The following PIGU variants were observed in gnomAD, a reference collection of about 807,000 sequenced individuals.
PIGU encodes phosphatidylinositol glycan anchor biosynthesis class U.
PIGU carries 24 observed loss-of-function variants against 49.9 expected under a neutral mutation model. The ratio of observed to expected loss-of-function variants is 0.48; its 90% CI spans 0.35 to 0.68. PIGU has a LOEUF of 0.68. PIGU is among the 30% of genes least tolerant of loss of function. PIGU has a pLI of 0.01. For synonymous variants in PIGU, 220 were observed against 205.7 expected (o/e 1.07, Z -0.59); for missense variants, 490 against 532.6 (o/e 0.92, Z 0.79).
intron 5 of PIGU, 65 bp downstream of exon 5, chr20:34,637,811 G>A (rs1201407617): frequency 2.5e-6 from 4 of 1,589,920 alleles, no homozygotes; most frequent in African/African-American, 2.7e-5. Context: ...AACAACATGG[G>A]AAAGTCTCAT....
At chr20:34,569,009 A>G (rs1162344868) in intron 11 of PIGU, among the ~76,000 whole-genome samples, 5 of 152,026 alleles carry the variant, frequency 3.3e-5, no homozygotes, top group Non-Finnish European at 7.4e-5. Flanking sequence ...CAGGAGTTCG[A>G]GCTCGTAACA....
chr20:34,647,405 CCG>C (rs1485412365), intron 2 of PIGU, among the ~76,000 whole-genome samples: 1 of 151,828 alleles, frequency 6.6e-6, no homozygotes, highest in African/African-American at 2.4e-5. Context: ...GGGATTACAG[CCG>C]CGCGCCACCA....
rs776222278 is a variant in PIGU, at chr20:34,645,267, T to A, written c.255+8A>T. 6.4e-7 allele frequency: 1 copy of A among 1,564,568 alleles called. No individual in the cohort carries two copies. Among genetic ancestry groups the A allele is most frequent in the Admixed American group, 2.1e-5 (1 of 47,478 alleles). On this transcript the variant is annotated splice_region_variant and intron_variant, in intron 3 of 11. Coordinates refer to ENST00000217446, the MANE Select transcript of PIGU (RefSeq NM_080476.5). ...ATACATATCAATTTTATATGGAAGG[T>A]TACTTACCATAAACACCAATTCAGC... is the stretch of plus-strand genomic sequence containing the variant.
chr20:34,566,462 G>A (rs545634032), intron 11 of PIGU, among the ~76,000 whole-genome samples: 1 of 152,214 alleles, frequency 6.6e-6, no homozygotes, highest in Non-Finnish European at 1.5e-5. Context: ...AGCTCATGGG[G>A]CAGCTAGCTG....
chr20:34,631,250 C>G (rs1235757182), intron 6 of PIGU, among the ~76,000 whole-genome samples: 4 of 151,414 alleles, frequency 2.6e-5, no homozygotes, highest in Non-Finnish European at 4.4e-5. Context: ...AGGAAATGTC[C>G]CAGAAAAAGT....
chr20:34,635,790 GCTTGAA>G (rs1336666804), intron 5 of PIGU, among the ~76,000 whole-genome samples: 1 of 152,066 alleles, frequency 6.6e-6, no homozygotes, highest in Non-Finnish European at 1.5e-5. Context: ...CAGGAGAATG[GCTTGAA>G]CCCGGGAGGC....
At chr20:34,668,461 C>CAAAAAAA (rs1209882512) in intron 1 of PIGU, among the ~76,000 whole-genome samples, 1 of 21,284 alleles carries the variant, frequency 4.7e-5, no homozygotes, top group Non-Finnish European at 7.9e-5. Flanking sequence ...GACTCCGTCT[C>CAAAAAAA]AAAAAAAAAA....
chr20:34,634,628 C>A lies in PIGU; in HGVS notation c.516G>T (p.Leu172Phe). The change falls in exon 6 of 12, where the codon TTG becomes TTT. Residue 172 changes from leucine (L) to phenylalanine (F), a missense_variant. Coordinates refer to ENST00000217446, the MANE Select transcript of PIGU (RefSeq NM_080476.5). ...TCAGGGCCTTACCTTTTATCGTAGT[C>A]AAAATGAAGAAAGCAATGAGGGTGT... ...INNTLIAFFI[L>F]TTIKGSAFLS... The A allele has an allele frequency of 1.2e-6, 2 of 1,612,312 alleles. No homozygotes were observed. Among genetic ancestry groups the A allele is most frequent in the South Asian group, 1.1e-5 (1 of 90,962 alleles).
intron 6 of PIGU, among the ~76,000 whole-genome samples, chr20:34,619,656 A>C (rs997295425): frequency 2.6e-5 from 4 of 152,166 alleles, no homozygotes; most frequent in African/African-American, 9.6e-5. Flanking sequence ...CAACACAGCC[A>C]TCTCTTGCCC....
intron 1 of PIGU, among the ~76,000 whole-genome samples, chr20:34,667,707 C>T (rs1301335936): frequency 1.3e-5 from 2 of 152,078 alleles, no homozygotes; most frequent in African/African-American, 2.4e-5. Context: ...ATGAGAGAAA[C>T]AGAAAAGTCA....
intron 10 of PIGU, among the ~76,000 whole-genome samples, chr20:34,578,135 G>C (rs1024340628): frequency 2.6e-5 from 4 of 152,202 alleles, no homozygotes; most frequent in African/African-American, 9.7e-5. Flanking sequence ...TGTCACCCGA[G>C]TTTATTGAAA....
At chr20:34,668,772 A>AAAT in intron 1 of PIGU, among the ~76,000 whole-genome samples, 1 of 151,242 alleles carries the variant, frequency 6.6e-6, no homozygotes, top group African/African-American at 2.4e-5. Context: ...CTGACTCAAA[A>AAAT]AAATAAATAA....
At position 34,623,290 on chromosome 20, in the gene PIGU, C is replaced by T. The variant is rs560853960; in HGVS notation, c.530-7151G>A. ...GACTGCCCAGGAGGAGGAGGAGATC[C>T]TGGGGGCAGGGCCAATGTATTACAT... On this transcript the variant is annotated intron_variant, in intron 6 of 11. Coordinates refer to ENST00000217446, the MANE Select transcript of PIGU (RefSeq NM_080476.5). Among the ~76,000 whole-genome samples, 5 of 152,256 alleles carry T rather than the reference C, an allele frequency of 3.3e-5. No individual in the cohort carries two copies. In the East Asian group the frequency reaches 9.6e-4, roughly 29 times the overall value.
chr20:34,571,919 T>A (rs1983028824), intron 11 of PIGU, among the ~76,000 whole-genome samples: 1 of 152,206 alleles, frequency 6.6e-6, no homozygotes, highest in Non-Finnish European at 1.5e-5. Flanking sequence ...CCCCATCTGA[T>A]GCACCCTGTT....
In PIGU at chr20:34,560,986, G is replaced by GGA; in HGVS notation, c.1195-9_1195-8dup. The GGA allele has an allele frequency of 1.3e-6, 2 of 1,581,314 alleles. No homozygotes were observed. The highest frequency in any genetic ancestry group is 1.7e-6 in the Non-Finnish European group (2 of 1,151,894). On this transcript the variant is annotated splice_polypyrimidine_tract_variant and splice_region_variant and intron_variant, in intron 11 of 11. Coordinates refer to ENST00000217446, the MANE Select transcript of PIGU (RefSeq NM_080476.5). ...AATCAGAGATGAGCAGGATCTGGGG[G>GGA]GAGAGAGAGGGTGTGAGGCGCTGCT...
At chr20:34,596,445 C>T (rs6059936) in intron 7 of PIGU, among the ~76,000 whole-genome samples, 126,791 of 152,186 alleles carry the variant, frequency 0.83, 53,079 homozygotes, top group Admixed American at 0.91. Context: ...GCATAAATAT[C>T]AATTTATTTG....
chr20:34,606,905 C>T (rs1211122686), intron 7 of PIGU, among the ~76,000 whole-genome samples: 1 of 152,136 alleles, frequency 6.6e-6, no homozygotes, highest in Admixed American at 6.5e-5. Context: ...GGATTACAGG[C>T]ACCCACCACC....
intron 9 of PIGU, 70 bp from the exon 10 acceptor site, chr20:34,581,742 T>G (rs1004818314): frequency 8.4e-6 from 13 of 1,550,998 alleles, no homozygotes; most frequent in Non-Finnish European, 2.6e-6. Flanking sequence ...GACTCCTGAC[T>G]CCATCCTTTG....
chr20:34,649,161 C>T (rs558544963), intron 2 of PIGU, among the ~76,000 whole-genome samples: 1 of 152,108 alleles, frequency 6.6e-6, no homozygotes, highest in African/African-American at 2.4e-5. Context: ...GCCACCACGC[C>T]CGGTCTGTTT....
Sources: allele counts gnomAD v4.1 joint callset (sites outside exome capture counted in the v4.1 genomes callset), GRCh38; gene constraint gnomAD v4.1.1; transcripts MANE v1.5; gene names NCBI Gene and HGNC (gene_info 2026-07-23, HGNC 2026-07-21).